The following ATF7IP variants were observed in gnomAD, a reference collection of about 807,000 sequenced individuals.
ATF7IP encodes the protein activating transcription factor 7-interacting protein 1.
In ATF7IP, 23 loss-of-function variants were observed where a neutral mutation model predicts 106.4. The observed-to-expected ratio is 0.22, with a 90% CI of 0.16 to 0.31. The LOEUF is 0.31. ATF7IP is among the 10% of genes least tolerant of loss of function. The probability of loss-of-function intolerance (pLI) is 1.00; values close to 1 mark genes in which losing one functional copy is unlikely to be tolerated. For synonymous variants in ATF7IP, 542 were observed against 539.0 expected (o/e 1.01, Z -0.08); for missense variants, 1,334 against 1,524.3 (o/e 0.88, Z 2.08).
rs1945168517 is a variant in ATF7IP, at chr12:14,501,903, A to G, written c.*3830A>G. 1 of 152,204 alleles carries G rather than the reference A, an allele frequency of 6.6e-6. No homozygotes were observed. The highest frequency in any genetic ancestry group is 1.5e-5 in the Non-Finnish European group (1 of 68,032). The allele number at this position is 152,204 out of a possible 1,614,324, so 9.4% of individuals were successfully genotyped here. A position where few individuals can be genotyped will look rare whatever the true frequency, so the allele number is the denominator to read the frequency against. On this transcript the variant is annotated 3_prime_UTR_variant, in exon 15 of 15. Coordinates refer to ENST00000261168, the MANE Select transcript of ATF7IP (RefSeq NM_018179.5). ...CATTTATGCAACATGGTTAGGGTTAATACTGCATGGTATTCATTTATCTTG... is the reference window on the plus strand; with the variant it reads ...CATTTATGCAACATGGTTAGGGTTAGTACTGCATGGTATTCATTTATCTTG...
At chr12:14,391,326 C>G (rs1347137243) in intron 1 of ATF7IP, among the ~76,000 whole-genome samples, 2 of 152,186 alleles carry the variant, frequency 1.3e-5, no homozygotes, top group Non-Finnish European at 2.9e-5. Context: ...CTGAGGGAAT[C>G]TTGTCTTTCC....
intron 4 of ATF7IP, 51 bp downstream of exon 4, chr12:14,436,302 A>G (rs555508573): frequency 2.7e-5 from 40 of 1,485,698 alleles, no homozygotes; most frequent in Non-Finnish European, 3.3e-5. Context: ...TAGCACCACT[A>G]TCTTCTTCTA....
intron 6 of ATF7IP, among the ~76,000 whole-genome samples, chr12:14,450,998 C>T (rs1048244091): frequency 4.9e-4 from 74 of 152,106 alleles, no homozygotes; most frequent in African/African-American, 1.5e-3. Context: ...TGGTCTTGAA[C>T]TCCTGACCTC....
intron 2 of ATF7IP, among the ~76,000 whole-genome samples, chr12:14,430,949 T>A (rs560646738): frequency 1.3e-5 from 2 of 152,364 alleles, no homozygotes; most frequent in African/African-American, 2.4e-5. Flanking sequence ...TGAAAATATC[T>A]ATTTTTTGGC....
intron 10 of ATF7IP, among the ~76,000 whole-genome samples, chr12:14,474,271 A>T (rs2136783335): frequency 6.6e-6 from 1 of 151,416 alleles, no homozygotes; most frequent in Non-Finnish European, 1.5e-5. Flanking sequence ...ATCTGCTTTT[A>T]TGCCTACATT....
intron 1 of ATF7IP, among the ~76,000 whole-genome samples, chr12:14,396,220 C>A (rs1013212972): frequency 6.6e-6 from 1 of 151,854 alleles, no homozygotes; most frequent in Admixed American, 6.6e-5. Flanking sequence ...CTGCTCTTTC[C>A]CTCCCTCTTT....
chr12:14,445,537 G>A (rs1055064855), intron 5 of ATF7IP, among the ~76,000 whole-genome samples: 6 of 152,072 alleles, frequency 3.9e-5, no homozygotes, highest in Admixed American at 2.0e-4. Context: ...TTAGTCATCA[G>A]AAAGGTAAAT....
chr12:14,439,122 C>G (rs193194389), intron 5 of ATF7IP, among the ~76,000 whole-genome samples: 3 of 152,252 alleles, frequency 2.0e-5, no homozygotes, highest in Admixed American at 2.0e-4. Flanking sequence ...GAAATGAGCA[C>G]ACAGTAGTGT....
chr12:14,403,260 A>G lies in ATF7IP; in HGVS notation c.-7-20649A>G, dbSNP rs115646357. ...GTTAATTTTTGTTTACCCCTTTTAT[A>G]TTGTCAATAAATTTCCTAATATGCT... On this transcript the variant is annotated intron_variant, in intron 1 of 14. Coordinates refer to ENST00000261168, the MANE Select transcript of ATF7IP (RefSeq NM_018179.5). Among the ~76,000 whole-genome samples the G allele has an allele frequency of 2.9e-3, 440 of 152,176 alleles. 1 individual carries two copies. Among genetic ancestry groups the G allele is most frequent in the African/African-American group, 0.01 (433 of 41,528 alleles).
intron 13 of ATF7IP, chr12:14,481,574 C>A: frequency 2.4e-6 from 1 of 419,734 alleles, no homozygotes; most frequent in Non-Finnish European, 4.6e-6. Flanking sequence ...GCAGTATAAC[C>A]AAAACTAATC....
At chr12:14,394,404 T>C (rs770280435) in intron 1 of ATF7IP, among the ~76,000 whole-genome samples, 18 of 152,110 alleles carry the variant, frequency 1.2e-4, no homozygotes, top group Non-Finnish European at 2.4e-4. Context: ...TATAAATTGG[T>C]TTTCTTTTAT....
Position 14,460,946 on chromosome 12 carries a change from T to G in ATF7IP, c.2610T>G (p.Leu870=). The change falls in exon 9 of 15, where the codon CTT becomes CTG. Residue 870 remains leucine, a synonymous_variant. Transcript: ENST00000261168. The stretch of plus-strand genomic sequence containing the variant: ...GTGCTGCACCATTGGGAACAACACT[T>G]GCTGTGCAGGCTGTTCCAACAGCAC... ...TASAAPLGTT[L]AVQAVPTAHS... The G allele has an allele frequency of 2.5e-6, 4 of 1,614,158 alleles. No individual in the cohort carries two copies. Among genetic ancestry groups the G allele is most frequent in the Non-Finnish European group, 3.4e-6 (4 of 1,180,014 alleles).
intron 4 of ATF7IP, among the ~76,000 whole-genome samples, chr12:14,437,861 G>A (rs1001819933): frequency 5.3e-5 from 8 of 151,934 alleles, no homozygotes; most frequent in Admixed American, 4.6e-4. Flanking sequence ...AGACCATCCC[G>A]GCTAAAACGG....
intron 9 of ATF7IP, among the ~76,000 whole-genome samples, chr12:14,465,941 T>A (rs1943815844): frequency 6.6e-6 from 1 of 152,150 alleles, no homozygotes; most frequent in Non-Finnish European, 1.5e-5. Context: ...TTTAATACAT[T>A]CTCTCTTTTC....
At chr12:14,479,201 AG>A (rs2136804125) in intron 12 of ATF7IP, among the ~76,000 whole-genome samples, 1 of 152,350 alleles carries the variant, frequency 6.6e-6, no homozygotes, top group African/African-American at 2.4e-5. Context: ...TTTCTCTGGA[AG>A]GGATGGATAT....
rs36115150 is a variant in ATF7IP at position 14,396,437 on chromosome 12, TA to T, written c.-7-27461del. Among the ~76,000 whole-genome samples, 141 of 145,886 alleles carry T rather than the reference TA, an allele frequency of 9.7e-4. 1 individual carries two copies. The Middle Eastern group carries it at 0.01, about 11-fold the overall frequency. On this transcript the variant is annotated intron_variant, in intron 1 of 14. Coordinates refer to ENST00000261168, the MANE Select transcript of ATF7IP (RefSeq NM_018179.5). ...GCCTTTTGACAGTGTTGCTTGGATT[TA>T]AAAAAAAAAAGCATATATTTTATTA...
intron 2 of ATF7IP, among the ~76,000 whole-genome samples, chr12:14,433,580 G>A (rs1942250804): frequency 6.6e-6 from 1 of 151,564 alleles, no homozygotes; most frequent in Non-Finnish European, 1.5e-5. Context: ...TAAGGCAGGA[G>A]AATCACTTGA....
intron 5 of ATF7IP, among the ~76,000 whole-genome samples, chr12:14,445,867 A>G (rs957916734): frequency 3.9e-4 from 60 of 152,344 alleles, no homozygotes; most frequent in Middle Eastern, 3.4e-3. Flanking sequence ...AATTTTCTTG[A>G]AAATATGTTT....
chr12:14,419,500 A>T (rs1342836978), intron 1 of ATF7IP: 1 of 152,224 alleles, frequency 6.6e-6, no homozygotes, highest in Non-Finnish European at 1.5e-5. Context: ...AAAGTTCAAA[A>T]GAATGGCCTT....
Sources: gnomAD v4.1 joint callset for allele counts (sites outside exome capture counted in the v4.1 genomes callset) on GRCh38, gnomAD v4.1.1 for gene constraint, MANE v1.5 for transcripts, NCBI Gene and HGNC (gene_info 2026-07-23, HGNC 2026-07-21) for gene names.